The following STXBP5 variants were observed in gnomAD, a reference collection of about 807,000 sequenced individuals.
STXBP5 encodes syntaxin-binding protein 5.
STXBP5 carries 50 observed loss-of-function variants against 152.4 expected under a neutral mutation model. The ratio of observed to expected loss-of-function variants is 0.33; its 90% CI spans 0.26 to 0.42. The LOEUF is 0.42. STXBP5 is among the 10% of genes least tolerant of loss of function. STXBP5 has a pLI of 1.00. For missense variants in STXBP5, 1,167 were observed against 1,388.6 expected, an observed-to-expected ratio of 0.84 and a Z score of 2.54; for synonymous variants, 492 against 494.7, an observed-to-expected ratio of 0.99 and a Z score of 0.07.
chr6:147,240,683 T>A (rs1778498495), intron 4 of STXBP5, among the ~76,000 whole-genome samples: 1 of 152,122 alleles, frequency 6.6e-6, no homozygotes, highest in South Asian at 2.1e-4. Context: ...GTAATAACAG[T>A]AGAGGTAAGA....
intron 2 of STXBP5, among the ~76,000 whole-genome samples, chr6:147,207,480 A>G (rs1776629315): frequency 1.3e-5 from 2 of 152,102 alleles, no homozygotes; most frequent in South Asian, 4.1e-4. Context: ...TTATGACCAG[A>G]ATGTTTTTTG....
At chr6:147,267,956 A>T (rs1195031339) in intron 7 of STXBP5, among the ~76,000 whole-genome samples, 1 of 152,180 alleles carries the variant, frequency 6.6e-6, no homozygotes. Context: ...TTCAGTAAAG[A>T]GAACCTTCCT....
chr6:147,244,791 C>T (rs1308928401), intron 4 of STXBP5, among the ~76,000 whole-genome samples: 1 of 152,062 alleles, frequency 6.6e-6, no homozygotes, highest in South Asian at 2.1e-4. Context: ...TGTTATTCCA[C>T]GATTTTCTGC....
chr6:147,327,778 A>G (rs1783341498), intron 18 of STXBP5, among the ~76,000 whole-genome samples: 1 of 152,130 alleles, frequency 6.6e-6, no homozygotes, highest in South Asian at 2.1e-4. Flanking sequence ...TTTATTGCAC[A>G]TTGAGAAAGA....
chr6:147,329,665 G>A (rs1439137329), intron 18 of STXBP5, among the ~76,000 whole-genome samples: 7 of 105,868 alleles, frequency 6.6e-5, no homozygotes, highest in Non-Finnish European at 1.2e-4. Context: ...TCGCTCTTTC[G>A]CCCAGGCTGG....
chr6:147,321,463 C>T (rs1243456454), intron 16 of STXBP5, among the ~76,000 whole-genome samples: 1 of 152,018 alleles, frequency 6.6e-6, no homozygotes, highest in Non-Finnish European at 1.5e-5. Flanking sequence ...GTGGCGACAT[C>T]ACCTGTAGGC....
chr6:147,213,398 T>A (rs1027562976), intron 2 of STXBP5, among the ~76,000 whole-genome samples: 1 of 150,792 alleles, frequency 6.6e-6, no homozygotes, highest in Admixed American at 6.6e-5. Flanking sequence ...GGACCACAGA[T>A]GTGAGCCACC....
At chr6:147,255,362 G>A (rs933659268) in intron 4 of STXBP5, among the ~76,000 whole-genome samples, 1 of 152,170 alleles carries the variant, frequency 6.6e-6, no homozygotes, top group East Asian at 1.9e-4. Context: ...TGTAGATGAT[G>A]GTTTGATGGG....
intron 21 of STXBP5, among the ~76,000 whole-genome samples, chr6:147,347,859 G>A (rs1784408280): frequency 6.6e-6 from 1 of 152,176 alleles, no homozygotes; most frequent in South Asian, 2.1e-4. Flanking sequence ...TATCACAAGT[G>A]TCTGCAAATA....
chr6:147,216,699 T>C (rs1582796426), intron 2 of STXBP5, among the ~76,000 whole-genome samples: 1 of 152,286 alleles, frequency 6.6e-6, no homozygotes, highest in Admixed American at 6.5e-5. Context: ...AATATATATA[T>C]GACAAATAAA....
chr6:147,344,648 T>A (rs1281735481), intron 21 of STXBP5, among the ~76,000 whole-genome samples: 2 of 152,184 alleles, frequency 1.3e-5, no homozygotes, highest in Non-Finnish European at 2.9e-5. Flanking sequence ...TTCTTCTTCT[T>A]ATAAGAACCA....
intron 5 of STXBP5, 34 bp from the exon 6 acceptor site, chr6:147,262,251 TAACTG>T (rs765209469): frequency 1.1e-5 from 14 of 1,291,718 alleles, no homozygotes; most frequent in South Asian, 1.4e-5. Flanking sequence ...TTAAAATTCT[TAACTG>T]AAGAGAAAAT....
intron 22 of STXBP5, among the ~76,000 whole-genome samples, chr6:147,354,339 A>G (rs1242532548): frequency 6.6e-6 from 1 of 152,202 alleles, no homozygotes; most frequent in Non-Finnish European, 1.5e-5. Flanking sequence ...TGTCATTTGT[A>G]GAAAGTTTCA....
chr6:147,376,546 G>T (rs9497763), intron 26 of STXBP5, among the ~76,000 whole-genome samples: 2 of 152,098 alleles, frequency 1.3e-5, no homozygotes, highest in Non-Finnish European at 2.9e-5. Context: ...GGCCAGCGTC[G>T]AGTCTCACAC....
chr6:147,388,822 A>G lies in STXBP5; in HGVS notation c.*4067A>G, dbSNP rs1484383029. 1 of 150,546 alleles carries G rather than the reference A, an allele frequency of 6.6e-6. No homozygotes were observed. The highest frequency in any genetic ancestry group is 2.4e-5 in the African/African-American group (1 of 41,280). 9.3% of individuals were successfully genotyped at this position (150,546 alleles called of 1,614,324 possible). A position where few individuals can be genotyped will look rare whatever the true frequency, so the allele number is the denominator to read the frequency against. On this transcript the variant is annotated 3_prime_UTR_variant, in exon 28 of 28. Transcript: ENST00000321680. Reference sequence around the variant, plus strand: ...TTTTAAAATATAGATATATATATATATATTTAAAATAGTTTTCCAGGTATT... The same window carrying G: ...TTTTAAAATATAGATATATATATATGTATTTAAAATAGTTTTCCAGGTATT...
At chr6:147,360,367 A>G (rs1165638788) in intron 23 of STXBP5, among the ~76,000 whole-genome samples, 1 of 152,212 alleles carries the variant, frequency 6.6e-6, no homozygotes. Flanking sequence ...TAGCGGCACT[A>G]TTCACAATAG....
At position 147,311,442 on chromosome 6, in the gene STXBP5, T is replaced by G. The variant is rs1013463788; in HGVS notation, c.1073-13T>G. ...ATTTTTGAAACTATAATTCATGCAT[T>G]GTCCAATTCCAGATTTTCAAGAACC... On this transcript the variant is annotated splice_polypyrimidine_tract_variant and intron_variant, in intron 10 of 27. Transcript: ENST00000321680. The G allele has an allele frequency of 3.1e-6, 5 of 1,609,834 alleles. No individual in the cohort carries two copies. The African/African-American group carries it at 5.4e-5, about 17-fold the overall frequency.
intron 2 of STXBP5, among the ~76,000 whole-genome samples, chr6:147,221,558 T>C (rs1777463342): frequency 1.3e-5 from 2 of 152,116 alleles, no homozygotes; most frequent in South Asian, 4.1e-4. Context: ...TTTTTTTAAC[T>C]TTCTGCACTT....
chr6:147,325,097 T>TTC lies in STXBP5; in HGVS notation c.1928+13_1928+14insTC. The TTC allele has an allele frequency of 6.7e-7, 1 of 1,486,656 alleles. No individual in the cohort carries two copies. The highest frequency in any genetic ancestry group is 9.0e-7 in the Non-Finnish European group (1 of 1,110,520). 92.1% of individuals were successfully genotyped at this position (1,486,656 alleles called of 1,614,324 possible). On this transcript the variant is annotated intron_variant, in intron 17 of 27. Coordinates refer to ENST00000321680, the MANE Select transcript of STXBP5 (RefSeq NM_001127715.4). ...CTTCCTATGGACTGTAAGTATAAGTTACGTTTTTTTCTAAGTCTCTTCATA... is the reference window on the plus strand; with the variant it reads ...CTTCCTATGGACTGTAAGTATAAGTTTCACGTTTTTTTCTAAGTCTCTTCATA...
Sources: allele counts gnomAD v4.1 joint callset (sites outside exome capture counted in the v4.1 genomes callset), GRCh38; gene constraint gnomAD v4.1.1; transcripts MANE v1.5; gene names NCBI Gene and HGNC (gene_info 2026-07-23, HGNC 2026-07-21).